The following MBTPS1 variants were observed in gnomAD, a reference collection of about 807,000 sequenced individuals.
The protein encoded by MBTPS1 is membrane-bound transcription factor site-1 protease.
Under a neutral mutation model 127.8 loss-of-function variants are expected in MBTPS1, and 94 were observed. The ratio of observed to expected loss-of-function variants is 0.74; its 90% confidence interval spans 0.62 to 0.87. The LOEUF (loss-of-function observed/expected upper bound fraction) is 0.87, where lower values mean the gene tolerates loss of function less well. Ranked by LOEUF, MBTPS1 falls within the 40% of genes least tolerant of loss-of-function variation. The probability of loss-of-function intolerance (pLI) is 0.00; values close to 1 mark genes in which losing one functional copy is unlikely to be tolerated. For missense variants in MBTPS1, 1,636 were observed against 1,353.2 expected (o/e 1.21, Z -3.28); for synonymous variants, 632 against 509.4 (o/e 1.24, Z -3.24).
At chr16:84,056,176 TGTACTAGTCTAG>T (rs1567468533) in intron 21 of MBTPS1, 41 bp from the exon 22 acceptor site, 4 of 1,569,474 alleles carry the variant, frequency 2.5e-6, no homozygotes, top group Non-Finnish European at 2.6e-6. Flanking sequence ...AATAAGCCAT[TGTACTAGTCTAG>T]GTACTAGTCT....
chr16:84,070,711 C>T lies in MBTPS1; in HGVS notation c.1659G>A (p.Ser553=), dbSNP rs753231182. Residue 553 remains serine, a synonymous_variant, in exon 13 of 23, where the codon TCG becomes TCA. Transcript: ENST00000343411. ...DNIEVAFSYS[S]VLWPWSGYLA... is the part of the protein sequence containing the mutation. ...GGTAGCCCGACCAAGGCCATAAGAC[C>T]GAGGAGTAGGAGAAGGCAACTTCAA... 6.8e-6 allele frequency: 11 copies of T among 1,613,934 alleles called. No homozygotes were observed. Among genetic ancestry groups the T allele is most frequent in the Middle Eastern group, 1.6e-4 (1 of 6,074 alleles).
At chr16:84,060,524 AGCCGCTGAGTGCT>A in intron 20 of MBTPS1, 145 bp downstream of exon 20, 1 of 757,954 alleles carries the variant, frequency 1.3e-6, no homozygotes, top group Admixed American at 2.8e-5. Flanking sequence ...GGCAGGTTAG[AGCCGCTGAGTGCT>A]GCTCTACCCG....
chr16:84,085,577 C>CT (rs909051455), intron 9 of MBTPS1, among the ~76,000 whole-genome samples: 2 of 99,878 alleles, frequency 2.0e-5, no homozygotes, highest in South Asian at 8.4e-4. Context: ...ACCCGCCCCC[C>CT]CCCCAAAAAA....
chr16:84,111,933 G>A (rs923309650), intron 1 of MBTPS1, among the ~76,000 whole-genome samples: 3 of 151,424 alleles, frequency 2.0e-5, no homozygotes, highest in Non-Finnish European at 2.9e-5. Flanking sequence ...GGGTGCGGTG[G>A]CTCATTCCTG....
chr16:84,095,729 G>A lies in MBTPS1; in HGVS notation c.498C>T (p.Ser166=), dbSNP rs760440560. 4 of 1,614,090 alleles carry A rather than the reference G, an allele frequency of 2.5e-6. No homozygotes were observed. In the Admixed American group the frequency reaches 5.0e-5, roughly 20 times the overall value. The change falls in exon 4 of 23, where the codon AGC becomes AGT. Residue 166 remains serine (S), a synonymous_variant. Coordinates refer to ENST00000343411, the MANE Select transcript of MBTPS1 (RefSeq NM_003791.4). ...GCCAGAAGCCAGAGCCCAGGGAGAG[G>A]CTGGCTCTTCGCAGGGGACGTGATG... ...WQSSRPLRRA[S]LSLGSGFWHA...
chr16:84,055,974 G>A (rs374916824), intron 22 of MBTPS1, 31 bp downstream of exon 22: 3 of 1,600,852 alleles, frequency 1.9e-6, no homozygotes, highest in South Asian at 2.2e-5. Flanking sequence ...CAGGATGACT[G>A]AGCACAATCA....
chr16:84,069,739 C>G, intron 14 of MBTPS1, 127 bp downstream of exon 14: 1 of 890,808 alleles, frequency 1.1e-6, no homozygotes, highest in African/African-American at 1.7e-5. Context: ...GCCTGAACAT[C>G]TCAGCGTCAT....
rs192324121 is a variant in MBTPS1 at position 84,071,848 on chromosome 16, T to C, written c.1594-1072A>G. The C allele has an allele frequency of 3.3e-5, 5 of 152,298 alleles. No homozygotes were observed. The East Asian group carries it at 9.6e-4, about 29-fold the overall frequency. The allele number at this position is 152,298 out of a possible 1,614,324, so 9.4% of individuals were successfully genotyped here. A position where few individuals can be genotyped will look rare whatever the true frequency, so the allele number is the denominator to read the frequency against. On this transcript the variant is annotated intron_variant, in intron 12 of 22. Transcript: ENST00000343411. Reference sequence around the variant, plus strand: ...AACACACAGCAATGGTGAATTTCTCTATGACAGGGCGATCATGTTAGGATT... The same window carrying C: ...AACACACAGCAATGGTGAATTTCTCCATGACAGGGCGATCATGTTAGGATT...
At chr16:84,091,264 T>C (rs2086102401) in intron 7 of MBTPS1, among the ~76,000 whole-genome samples, 1 of 152,020 alleles carries the variant, frequency 6.6e-6, no homozygotes, top group African/African-American at 2.4e-5. Flanking sequence ...GGTGGGTGGA[T>C]CACCTGAGGT....
intron 1 of MBTPS1, among the ~76,000 whole-genome samples, chr16:84,111,836 T>C (rs1307080959): frequency 6.6e-6 from 1 of 150,962 alleles, no homozygotes; most frequent in African/African-American, 2.4e-5. Context: ...AAATGTTAAG[T>C]AAAACAGTTC....
intron 11 of MBTPS1, 174 bp from the exon 12 acceptor site, chr16:84,074,915 G>C (rs1213701297): frequency 1.9e-6 from 1 of 529,078 alleles, no homozygotes; most frequent in African/African-American, 1.9e-5. Flanking sequence ...GCACAGATAA[G>C]GCCTCTGTGC....
intron 21 of MBTPS1, 74 bp from the exon 22 acceptor site, chr16:84,056,209 A>C: frequency 1.5e-6 from 2 of 1,300,420 alleles, no homozygotes; most frequent in South Asian, 1.3e-5. Flanking sequence ...AGGAAGTTCA[A>C]CTGAAACTCA....
At chr16:84,079,871 G>A (rs374537924) in intron 11 of MBTPS1, among the ~76,000 whole-genome samples, 12 of 152,218 alleles carry the variant, frequency 7.9e-5, no homozygotes, top group South Asian at 6.2e-4. Flanking sequence ...GTGTCCACAC[G>A]TTGCCTAGCT....
chr16:84,055,871 A>C, intron 22 of MBTPS1, 134 bp downstream of exon 22: 1 of 960,404 alleles, frequency 1.0e-6, no homozygotes, highest in Non-Finnish European at 1.5e-6. Context: ...AAAGAAGCCA[A>C]GAGCCAAGGC....
intron 6 of MBTPS1, among the ~76,000 whole-genome samples, 162 bp downstream of exon 6, chr16:84,093,026 C>G (rs752770079): frequency 6.6e-6 from 1 of 152,182 alleles, no homozygotes; most frequent in Non-Finnish European, 1.5e-5. Context: ...CGGAGCCACC[C>G]AGGAGGCAGA....
chr16:84,068,205 C>T, intron 15 of MBTPS1, 134 bp downstream of exon 15: 1 of 675,132 alleles, frequency 1.5e-6, no homozygotes, highest in East Asian at 2.6e-5. Context: ...GCCCCAGGCT[C>T]ACCCAGCTGT....
intron 1 of MBTPS1, among the ~76,000 whole-genome samples, chr16:84,115,192 G>C (rs2086456084): frequency 6.6e-6 from 1 of 152,094 alleles, no homozygotes. Flanking sequence ...CTCCCAAATT[G>C]TGGGATTACA....
chr16:84,109,769 T>C (rs565687506), intron 1 of MBTPS1, among the ~76,000 whole-genome samples: 4 of 152,184 alleles, frequency 2.6e-5, no homozygotes, highest in Non-Finnish European at 5.9e-5. Context: ...CCATCTGCTG[T>C]AACAGGCACT....
At chr16:84,091,673 T>G in intron 7 of MBTPS1, 59 bp downstream of exon 7, 2 of 1,143,710 alleles carry the variant, frequency 1.7e-6, no homozygotes, top group East Asian at 2.3e-5. Context: ...TGATGCAAAG[T>G]TGGGCTGCGA....
Sources: allele counts gnomAD v4.1 joint callset (sites outside exome capture counted in the v4.1 genomes callset), GRCh38; gene constraint gnomAD v4.1.1; transcripts MANE v1.5; gene names NCBI Gene and HGNC (gene_info 2026-07-23, HGNC 2026-07-21).